The following ITM2B variants were observed in gnomAD, a reference collection of about 807,000 sequenced individuals.
ITM2B encodes integral membrane protein 2B, also known as ABri/ADan amyloid peptide.
In ITM2B, 11 loss-of-function variants were observed where a neutral mutation model predicts 27.8. That is an observed-to-expected ratio of 0.40 (90% confidence interval 0.25 to 0.66). The LOEUF (loss-of-function observed/expected upper bound fraction) is 0.66, where lower values mean the gene tolerates loss of function less well. Among genes scored for constraint, ITM2B ranks in the 30% least tolerant of loss-of-function variants. The pLI is 0.43. For missense variants in ITM2B, 296 were observed against 328.9 expected, an observed-to-expected ratio of 0.90 and a Z score of 0.77; for synonymous variants, 114 against 114.3, an observed-to-expected ratio of 1.00 and a Z score of 0.02.
chr13:48,233,610 C>T (rs887320479), intron 1 of ITM2B, 133 bp downstream of exon 1: 6 of 507,128 alleles, frequency 1.2e-5, no homozygotes, highest in East Asian at 3.6e-5. Context: ...CGAGAGAGCC[C>T]GGCGCTCCCG....
chr13:48,233,433 G>A lies in ITM2B; in HGVS notation c.73G>A (p.Glu25Lys), dbSNP rs770539704. The A allele has an allele frequency of 6.5e-7, 1 of 1,544,660 alleles. No homozygotes were observed. Among genetic ancestry groups the A allele is most frequent in the South Asian group, 1.2e-5 (1 of 82,778 alleles). ...AKKDEPKSGE[E>K]ALIIPPDAVA... The stretch of plus-strand genomic sequence containing the variant: ...GAAGGACGAGCCCAAGAGCGGCGAG[G>A]AGGCGCTCATCATCCCCCCCGACGC... Residue 25 changes from glutamate (E) to lysine (K), a missense_variant, in exon 1 of 6, where the codon GAG becomes AAG. By Grantham distance (56) the Glu-to-Lys change is moderately conservative. Coordinates refer to ENST00000647800, the MANE Select transcript of ITM2B (RefSeq NM_021999.5).
chr13:48,235,588 CTT>C (rs1951663476), intron 1 of ITM2B, among the ~76,000 whole-genome samples: 1 of 152,204 alleles, frequency 6.6e-6, no homozygotes, highest in East Asian at 1.9e-4. Flanking sequence ...TAATGACAGA[CTT>C]TTGTGAAAGA....
chr13:48,242,057 A>G (rs990361782), intron 1 of ITM2B, among the ~76,000 whole-genome samples: 8 of 152,148 alleles, frequency 5.3e-5, no homozygotes, highest in Middle Eastern at 3.2e-3. Flanking sequence ...TAATAGCTAC[A>G]TGGAAGGTGA....
rs1248020374 is a variant in ITM2B at position 48,233,238 on chromosome 13, A to C, written c.-123A>C. On this transcript the variant is annotated 5_prime_UTR_variant, in exon 1 of 6. Coordinates refer to ENST00000647800, the MANE Select transcript of ITM2B (RefSeq NM_021999.5). ...GCCTCTGCCGCCGCGGAGCTTCCCG[A>C]ACCTCTTCAGCCGCCCGGAGCCGCT... The C allele has an allele frequency of 3.5e-6, 2 of 565,832 alleles. No individual in the cohort carries two copies. The highest frequency in any genetic ancestry group is 4.1e-5 in the Admixed American group (1 of 24,158). The allele number at this position is 565,832 out of a possible 1,614,324, so 35.1% of individuals were successfully genotyped here.
At chr13:48,241,371 C>A (rs1951699241) in intron 1 of ITM2B, among the ~76,000 whole-genome samples, 1 of 152,068 alleles carries the variant, frequency 6.6e-6, no homozygotes, top group African/African-American at 2.4e-5. Context: ...ACCACCACTC[C>A]CAGCTAATTT....
intron 2 of ITM2B, 26 bp downstream of exon 2, chr13:48,253,962 T>C (rs1566162447): frequency 1.2e-6 from 2 of 1,603,156 alleles, no homozygotes; most frequent in Non-Finnish European, 1.7e-6. Context: ...ATTTTGTGTC[T>C]CTGATTTTTT....
intron 1 of ITM2B, among the ~76,000 whole-genome samples, chr13:48,249,987 A>G (rs1951744898): frequency 6.6e-6 from 1 of 152,212 alleles, no homozygotes; most frequent in Non-Finnish European, 1.5e-5. Context: ...AAAAACTTTT[A>G]AATCTTGAGC....
intron 1 of ITM2B, among the ~76,000 whole-genome samples, chr13:48,236,727 A>T (rs1042802754): frequency 6.6e-6 from 1 of 152,200 alleles, no homozygotes; most frequent in Non-Finnish European, 1.5e-5. Flanking sequence ...TTTACCTCAC[A>T]GTGAACAGTG....
At chr13:48,250,744 C>T (rs953206245) in intron 1 of ITM2B, among the ~76,000 whole-genome samples, 1 of 152,096 alleles carries the variant, frequency 6.6e-6, no homozygotes, top group Non-Finnish European at 1.5e-5. Flanking sequence ...CTTAAAAGAT[C>T]TTATAGCCTA....
chr13:48,258,653 A>G, intron 4 of ITM2B, 144 bp from the exon 5 acceptor site: 2 of 749,924 alleles, frequency 2.7e-6, no homozygotes, highest in Non-Finnish European at 4.6e-6. Flanking sequence ...TGGACAACAT[A>G]GTGAGAACAT....
At chr13:48,242,061 A>C (rs1336015188) in intron 1 of ITM2B, among the ~76,000 whole-genome samples, 1 of 152,164 alleles carries the variant, frequency 6.6e-6, no homozygotes, top group Admixed American at 6.5e-5. Context: ...AGCTACATGG[A>C]AGGTGAATAT....
At chr13:48,259,716 A>G (rs1158543715) in intron 5 of ITM2B, among the ~76,000 whole-genome samples, 1 of 146,958 alleles carries the variant, frequency 6.8e-6, no homozygotes, top group Non-Finnish European at 1.5e-5. Context: ...TTTTTTTCCA[A>G]CTTTTATTTT....
intron 1 of ITM2B, among the ~76,000 whole-genome samples, chr13:48,235,639 A>C (rs1951664039): frequency 6.6e-6 from 1 of 152,226 alleles, no homozygotes; most frequent in Non-Finnish European, 1.5e-5. Context: ...GGCAGTGATT[A>C]CATAATGTTC....
intron 1 of ITM2B, among the ~76,000 whole-genome samples, chr13:48,245,970 G>T (rs150892257): frequency 4.0e-5 from 6 of 151,814 alleles, no homozygotes; most frequent in African/African-American, 1.2e-4. Flanking sequence ...AGTAGAGATG[G>T]GTTTTCACCG....
chr13:48,259,831 A>G (rs1032350530), intron 5 of ITM2B, among the ~76,000 whole-genome samples: 2 of 151,928 alleles, frequency 1.3e-5, no homozygotes, highest in Non-Finnish European at 2.9e-5. Flanking sequence ...AAAGTACCCA[A>G]TAGGTAGTTT....
intron 1 of ITM2B, among the ~76,000 whole-genome samples, chr13:48,238,545 A>G (rs1267298043): frequency 6.6e-6 from 1 of 152,180 alleles, no homozygotes; most frequent in African/African-American, 2.4e-5. Flanking sequence ...TTCAGTACTG[A>G]TAAGTTACCA....
intron 1 of ITM2B, among the ~76,000 whole-genome samples, chr13:48,252,931 T>C (rs1487073226): frequency 6.6e-6 from 1 of 152,152 alleles, no homozygotes; most frequent in Non-Finnish European, 1.5e-5. Flanking sequence ...AAGTGACAGA[T>C]TAGAGGGATC....
At chr13:48,240,856 C>T (rs1054871991) in intron 1 of ITM2B, among the ~76,000 whole-genome samples, 5 of 152,212 alleles carry the variant, frequency 3.3e-5, no homozygotes, top group Admixed American at 3.3e-4. Flanking sequence ...TACCTGGGCT[C>T]TAACTCCCAA....
At chr13:48,258,775 A>G (rs1317913762) in intron 4 of ITM2B, 22 bp from the exon 5 acceptor site, 35 of 1,609,562 alleles carry the variant, frequency 2.2e-5, no homozygotes, top group Non-Finnish European at 2.2e-5. Context: ...TAGTCATGTC[A>G]TGTATTCTTT....
Sources: allele counts gnomAD v4.1 joint callset (sites outside exome capture counted in the v4.1 genomes callset), GRCh38; gene constraint gnomAD v4.1.1; transcripts MANE v1.5; gene names NCBI Gene and HGNC (gene_info 2026-07-23, HGNC 2026-07-21).